The following KLF3 variants were observed in gnomAD, a reference collection of about 807,000 sequenced individuals.
KLF3 encodes the protein KLF transcription factor 3, also known as Krueppel-like factor 3.
In KLF3, 6 loss-of-function variants were observed where a neutral mutation model predicts 32.7. The observed-to-expected ratio is 0.18, with a 90% CI of 0.10 to 0.36. The LOEUF (loss-of-function observed/expected upper bound fraction) is 0.36. KLF3 is among the 10% of genes least tolerant of loss of function. KLF3 has a pLI of 1.00. For missense variants in KLF3, 338 were observed against 449.7 expected (o/e 0.75, Z 2.25); for synonymous variants, 145 against 172.8 (o/e 0.84, Z 1.26).
chr4:38,670,910 A>G (rs1468503392), intron 1 of KLF3, among the ~76,000 whole-genome samples: 2 of 152,226 alleles, frequency 1.3e-5, no homozygotes, highest in Non-Finnish European at 2.9e-5. Context: ...ATTATGTGCA[A>G]TCATTACTCT....
chr4:38,679,748 A>G (rs975258021), intron 1 of KLF3, among the ~76,000 whole-genome samples: 4 of 152,256 alleles, frequency 2.6e-5, no homozygotes, highest in African/African-American at 9.6e-5. Flanking sequence ...ACATTTTCAC[A>G]TAAATTGTTC....
chr4:38,685,767 A>G (rs570515838), intron 2 of KLF3, among the ~76,000 whole-genome samples: 2 of 152,326 alleles, frequency 1.3e-5, no homozygotes, highest in South Asian at 2.1e-4. Flanking sequence ...GTTTTTTCCT[A>G]GTACCAGAAC....
chr4:38,686,392 G>C (rs932533562), intron 2 of KLF3, among the ~76,000 whole-genome samples: 1 of 141,756 alleles, frequency 7.1e-6, no homozygotes, highest in African/African-American at 2.6e-5. Flanking sequence ...GCTGCAGTGA[G>C]CTATGATCAT....
intron 1 of KLF3, among the ~76,000 whole-genome samples, chr4:38,680,108 GC>G (rs989482899): frequency 5.7e-4 from 87 of 152,294 alleles, no homozygotes; most frequent in African/African-American, 2.0e-3. Flanking sequence ...TATGTAAATG[GC>G]ATCTTTCATA....
intron 2 of KLF3, among the ~76,000 whole-genome samples, chr4:38,683,402 C>G (rs1205504181): frequency 6.6e-6 from 1 of 152,126 alleles, no homozygotes; most frequent in Non-Finnish European, 1.5e-5. Flanking sequence ...AGCCCTCATA[C>G]TGTTCTCCAC....
chr4:38,667,416 T>C (rs1722078119), intron 1 of KLF3, among the ~76,000 whole-genome samples: 1 of 152,216 alleles, frequency 6.6e-6, no homozygotes, highest in South Asian at 2.1e-4. Context: ...CATGGAGTTA[T>C]CATGTCTCTA....
In KLF3 at chr4:38,680,620, A is replaced by G. The variant is rs745639335; in HGVS notation, c.-6A>G. The G allele has an allele frequency of 3.7e-6, 6 of 1,611,930 alleles. No homozygotes were observed. The highest frequency in any genetic ancestry group is 3.3e-5 in the Admixed American group (2 of 60,004). Reference sequence around the variant, plus strand: ...CCAGAGCACCCTAGAAGGTTTAACTAAAAGAATGCTCATGTTTGACCCAGT... The same window carrying G: ...CCAGAGCACCCTAGAAGGTTTAACTGAAAGAATGCTCATGTTTGACCCAGT... On this transcript the variant is annotated 5_prime_UTR_variant, in exon 2 of 6. Coordinates refer to ENST00000261438, the MANE Select transcript of KLF3 (RefSeq NM_016531.6).
chr4:38,670,339 G>A (rs916242497), intron 1 of KLF3, among the ~76,000 whole-genome samples: 1 of 152,214 alleles, frequency 6.6e-6, no homozygotes, highest in African/African-American at 2.4e-5. Context: ...TGGAAGGCTT[G>A]TGGATCCTGC....
At chr4:38,685,772 C>T (rs1368155060) in intron 2 of KLF3, among the ~76,000 whole-genome samples, 1 of 152,150 alleles carries the variant, frequency 6.6e-6, no homozygotes, top group African/African-American at 2.4e-5. Context: ...TTCCTAGTAC[C>T]AGAACCATTG....
chr4:38,694,633 G>T lies in KLF3; in HGVS notation c.696-113G>T, dbSNP rs182136715. The T allele has an allele frequency of 7.4e-5, 68 of 917,284 alleles. 1 individual carries two copies. The highest frequency in any genetic ancestry group is 6.4e-4 in the East Asian group (23 of 36,150). 56.8% of individuals were successfully genotyped at this position (917,284 alleles called of 1,614,324 possible). On this transcript the variant is annotated intron_variant, in intron 4 of 5. Coordinates refer to ENST00000261438, the MANE Select transcript of KLF3 (RefSeq NM_016531.6). ...CAGCTAATTTCTTTTTGTTTATTTT[G>T]TTGGGATTTTTTGTTTGTTTGTTTT...
intron 2 of KLF3, among the ~76,000 whole-genome samples, chr4:38,686,881 G>C (rs1392912038): frequency 6.6e-6 from 1 of 152,212 alleles, no homozygotes; most frequent in Non-Finnish European, 1.5e-5. Flanking sequence ...CTGGAGCAGG[G>C]ACTGGGCATC....
chr4:38,689,015 A>C lies in KLF3; in HGVS notation c.488A>C (p.Gln163Pro). 1 of 1,614,234 alleles carries C rather than the reference A, an allele frequency of 6.2e-7. No individual in the cohort carries two copies. Among genetic ancestry groups the C allele is most frequent in the Non-Finnish European group, 8.5e-7 (1 of 1,180,038 alleles). Residue 163 changes from glutamine (Q) to proline (P), a missense_variant, in exon 3 of 6, where the codon CAG becomes CCG. Transcript: ENST00000261438. ...VPFMYTSHLQ[Q>P]PLMVSLSEEM... ...TTTATGTACACAAGTCACCTCCAGC[A>C]GCCTCTCATGGTCTCCTTATCGGAG...
At chr4:38,667,658 G>A (rs1722084637) in intron 1 of KLF3, among the ~76,000 whole-genome samples, 1 of 152,178 alleles carries the variant, frequency 6.6e-6, no homozygotes, top group African/African-American at 2.4e-5. Context: ...AGTGGTTAGG[G>A]CGTTTGTTTT....
At chr4:38,692,570 C>T (rs937818060) in intron 4 of KLF3, among the ~76,000 whole-genome samples, 1 of 152,174 alleles carries the variant, frequency 6.6e-6, no homozygotes, top group Non-Finnish European at 1.5e-5. Flanking sequence ...TTATTATCAT[C>T]CCCAGTTTAC....
chr4:38,692,079 T>C (rs957595502), intron 4 of KLF3, among the ~76,000 whole-genome samples: 12 of 152,250 alleles, frequency 7.9e-5, no homozygotes, highest in Non-Finnish European at 1.5e-4. Flanking sequence ...TTCTTTGTTC[T>C]AAATATACAA....
intron 2 of KLF3, among the ~76,000 whole-genome samples, chr4:38,683,211 T>C (rs1473346818): frequency 6.6e-6 from 1 of 152,200 alleles, no homozygotes; most frequent in East Asian, 1.9e-4. Context: ...TAAGGCACAA[T>C]AGGACATTTG....
chr4:38,672,148 C>G (rs540249417), intron 1 of KLF3, among the ~76,000 whole-genome samples: 3 of 152,312 alleles, frequency 2.0e-5, no homozygotes, highest in Admixed American at 1.3e-4. Context: ...TTAGGCCCTT[C>G]ATCCCTATTA....
Position 38,678,502 on chromosome 4 carries a change from C to G in KLF3, c.-39-2085C>G, listed in dbSNP as rs190908299. 3.3e-5 allele frequency among the ~76,000 whole-genome samples: 5 copies of G among 152,276 alleles called. No individual in the cohort carries two copies. In the East Asian group the frequency reaches 9.6e-4, roughly 29 times the overall value. On this transcript the variant is annotated intron_variant, in intron 1 of 5. Transcript: ENST00000261438. ...AATTGTGTTTGCAGATTACAATACA[C>G]CCTGTGATGGAGGAAAATATAATTT...
In KLF3 at chr4:38,697,576, AAT is replaced by A; in HGVS notation, c.*314_*315del. The A allele has an allele frequency of 4.0e-6, 1 of 252,742 alleles. No individual in the cohort carries two copies. Among genetic ancestry groups the A allele is most frequent in the Non-Finnish European group, 7.5e-6 (1 of 132,558 alleles). The allele number at this position is 252,742 out of a possible 1,614,324, so 15.7% of individuals were successfully genotyped here. On this transcript the variant is annotated 3_prime_UTR_variant, in exon 6 of 6. Coordinates refer to ENST00000261438, the MANE Select transcript of KLF3 (RefSeq NM_016531.6). ...AGGGAACATGTAAACTAACATAACC[AAT>A]TGTCAGTTCTCCATGTATTCCTCAA...
Sources: allele counts gnomAD v4.1 joint callset (sites outside exome capture counted in the v4.1 genomes callset), GRCh38; gene constraint gnomAD v4.1.1; transcripts MANE v1.5; gene names NCBI Gene and HGNC (gene_info 2026-07-23, HGNC 2026-07-21).